ADAM12: variants seen among roughly 807,000 people sequenced by gnomAD.
ADAM12 encodes disintegrin and metalloproteinase domain-containing protein 12.
A neutral mutation model predicts 106.4 loss-of-function variants in ADAM12; 70 were observed. That is an observed-to-expected ratio of 0.66 (90% CI 0.54 to 0.80). The LOEUF (loss-of-function observed/expected upper bound fraction) is 0.80, where lower values mean the gene tolerates loss of function less well. ADAM12 is among the 30% of genes least tolerant of loss of function. ADAM12 has a pLI of 0.00. For missense variants in ADAM12, 1,010 were observed against 1,171.9 expected (o/e 0.86, Z 2.02); for synonymous variants, 420 against 433.5 (o/e 0.97, Z 0.39).
chr10:126,175,243 C>T (rs1957199013), intron 3 of ADAM12, among the ~76,000 whole-genome samples: 1 of 152,196 alleles, frequency 6.6e-6, no homozygotes. Flanking sequence ...GAGAGAAACA[C>T]ACAGCACCGG....
intron 1 of ADAM12, among the ~76,000 whole-genome samples, chr10:126,372,550 A>G (rs951264069): frequency 6.6e-6 from 1 of 152,188 alleles, no homozygotes; most frequent in Non-Finnish European, 1.5e-5. Flanking sequence ...TTATAACTAC[A>G]ACGCCAGAAC....
chr10:126,082,336 T>C (rs3781014), intron 11 of ADAM12, among the ~76,000 whole-genome samples: 14,304 of 149,094 alleles, frequency 0.096, 928 homozygotes, highest in African/African-American at 0.17. Flanking sequence ...GTGGGATCCA[T>C]TCTCTGGAGA....
At chr10:126,166,494 T>TTTTTTG (rs1554980118) in intron 3 of ADAM12, among the ~76,000 whole-genome samples, 12 of 151,206 alleles carry the variant, frequency 7.9e-5, no homozygotes, top group Non-Finnish European at 1.8e-4. Context: ...CAGGTTTCTT[T>TTTTTTG]TTTTTTGTTT....
intron 5 of ADAM12, among the ~76,000 whole-genome samples, chr10:126,121,962 T>C (rs775935245): frequency 1.1e-4 from 16 of 152,100 alleles, no homozygotes; most frequent in Non-Finnish European, 1.9e-4. Flanking sequence ...TGAGTTGTCA[T>C]GGGCAATGGG....
intron 3 of ADAM12, among the ~76,000 whole-genome samples, chr10:126,249,376 C>T (rs11244905): frequency 5.3e-5 from 8 of 152,018 alleles, no homozygotes; most frequent in Admixed American, 1.3e-4. Flanking sequence ...GGGAAGCAGA[C>T]GCCTTACAAA....
At chr10:126,326,086 G>C (rs1438104130) in intron 2 of ADAM12, among the ~76,000 whole-genome samples, 1 of 152,160 alleles carries the variant, frequency 6.6e-6, no homozygotes, top group African/African-American at 2.4e-5. Context: ...CAGAGAACTT[G>C]ACAGTAATTT....
chr10:126,323,265 C>A (rs1854168967), intron 2 of ADAM12, among the ~76,000 whole-genome samples: 1 of 152,178 alleles, frequency 6.6e-6, no homozygotes, highest in Non-Finnish European at 1.5e-5. Flanking sequence ...CTAGCCTGAG[C>A]AACTCCTGCA....
intron 5 of ADAM12, among the ~76,000 whole-genome samples, chr10:126,134,991 T>A (rs1238914070): frequency 1.3e-5 from 2 of 152,244 alleles, no homozygotes; most frequent in Non-Finnish European, 2.9e-5. Flanking sequence ...GGCCACCTGA[T>A]GGCCAATAAC....
At position 126,312,780 on chromosome 10, in the gene ADAM12, G is replaced by A. The variant is rs1285196803; in HGVS notation, c.186+17632C>T. ...TCTTCTCTTGTTAGACAATGGTGCC[G>A]TCAAACCCGGGGACATCAGCACATC... On this transcript the variant is annotated intron_variant, in intron 2 of 22. Coordinates refer to ENST00000448723, the MANE Select transcript of ADAM12 (RefSeq NM_001288973.2). 4.6e-5 allele frequency among the ~76,000 whole-genome samples: 7 copies of A among 152,100 alleles called. No homozygotes were observed. In the East Asian group the frequency reaches 5.8e-4, roughly 13 times the overall value.
chr10:126,375,035 C>T (rs530414643), intron 1 of ADAM12, among the ~76,000 whole-genome samples: 119 of 152,148 alleles, frequency 7.8e-4, no homozygotes, highest in African/African-American at 2.3e-3. Context: ...CAACAGGAGA[C>T]GCAAGGATAC....
intron 2 of ADAM12, among the ~76,000 whole-genome samples, chr10:126,298,361 C>T (rs1960471115): frequency 6.6e-6 from 1 of 152,132 alleles, no homozygotes; most frequent in Non-Finnish European, 1.5e-5. Context: ...AGAACTAGAG[C>T]CACATGGAAA....
intron 2 of ADAM12, among the ~76,000 whole-genome samples, chr10:126,289,091 G>T (rs1369523438): frequency 6.6e-6 from 1 of 152,108 alleles, no homozygotes; most frequent in Admixed American, 6.5e-5. Flanking sequence ...CCAGGGACAG[G>T]ACCGTGTGGT....
chr10:126,366,266 A>T (rs1432003021), intron 1 of ADAM12, among the ~76,000 whole-genome samples: 1 of 152,178 alleles, frequency 6.6e-6, no homozygotes, highest in African/African-American at 2.4e-5. Flanking sequence ...CAGATGAATG[A>T]ATAATTTAAA....
In ADAM12 at chr10:126,043,155, G is replaced by C. The variant is rs1465800582; in HGVS notation, c.1996-7C>G. The C allele has an allele frequency of 3.0e-5, 48 of 1,613,632 alleles. No individual in the cohort carries two copies. The highest frequency in any genetic ancestry group is 4.0e-5 in the Non-Finnish European group (47 of 1,179,800). ...TCTTCCTGTTGTTGCACACCTTTCA[G>C]GGCAGAGGGGAGGGACGTGGGGTTA... On this transcript the variant is annotated splice_region_variant and splice_polypyrimidine_tract_variant and intron_variant, in intron 17 of 22. Transcript: ENST00000448723. The surrounding 1 kb of genome is among the most constrained non-coding windows in gnomAD (Gnocchi z 4.1).
At chr10:126,277,766 T>C (rs889267793) in intron 3 of ADAM12, among the ~76,000 whole-genome samples, 4 of 152,062 alleles carry the variant, frequency 2.6e-5, no homozygotes, top group African/African-American at 4.8e-5. Context: ...ATCTATTTAA[T>C]GGTGAGCAGT....
At chr10:126,320,942 A>G (rs1458298073) in intron 2 of ADAM12, among the ~76,000 whole-genome samples, 1 of 152,242 alleles carries the variant, frequency 6.6e-6, no homozygotes, top group Admixed American at 6.5e-5. Flanking sequence ...CTTTTTTAAA[A>G]TAAGTTGTTT....
chr10:126,268,042 G>C (rs1959134937), intron 3 of ADAM12, among the ~76,000 whole-genome samples: 1 of 151,896 alleles, frequency 6.6e-6, no homozygotes, highest in Non-Finnish European at 1.5e-5. Context: ...TCACAATTTT[G>C]TACAACCATC....
At chr10:126,225,724 T>A (rs1451830480) in intron 3 of ADAM12, among the ~76,000 whole-genome samples, 2 of 152,128 alleles carry the variant, frequency 1.3e-5, no homozygotes, top group Non-Finnish European at 2.9e-5. Flanking sequence ...TCAGCTTTTA[T>A]CACCAAAATA....
intron 3 of ADAM12, among the ~76,000 whole-genome samples, chr10:126,181,296 T>G (rs1204583757): frequency 6.6e-6 from 1 of 152,112 alleles, no homozygotes; most frequent in African/African-American, 2.4e-5. Flanking sequence ...GACCTCCAAC[T>G]CCTGACCTCA....
Sources: gnomAD v4.1 joint callset for allele counts (sites outside exome capture counted in the v4.1 genomes callset) on GRCh38, gnomAD v4.1.1 for gene constraint, Gnocchi (gnomAD v3.1) non-coding constraint, MANE v1.5 for transcripts, NCBI Gene and HGNC (gene_info 2026-07-23, HGNC 2026-07-21) for gene names.